Variants in AP1AR observed in about 807,000 individuals in gnomAD.
AP1AR encodes the protein AP-1 complex-associated regulatory protein.
In AP1AR, 29 loss-of-function variants were observed where a neutral mutation model predicts 46.3. That is an observed-to-expected ratio of 0.63 (90% CI 0.47 to 0.85). The LOEUF (loss-of-function observed/expected upper bound fraction) is 0.85, where lower values mean the gene tolerates loss of function less well. Among genes scored for constraint, AP1AR ranks in the 40% least tolerant of loss-of-function variants. The pLI is 0.00. For missense variants in AP1AR, 357 were observed against 356.3 expected (o/e 1.00, Z -0.02); for synonymous variants, 122 against 122.9 (o/e 0.99, Z 0.05).
At chr4:112,259,789 AGT>A (rs1164645938) in intron 4 of AP1AR, among the ~76,000 whole-genome samples, 3 of 152,126 alleles carry the variant, frequency 2.0e-5, no homozygotes, top group Non-Finnish European at 2.9e-5. Context: ...GTGAGTCAAG[AGT>A]GTAAATGTAG....
rs756487284 is a variant in AP1AR, at chr4:112,268,251, G to A, written c.751G>A (p.Ala251Thr). 1.7e-5 allele frequency: 28 copies of A among 1,613,030 alleles called. No individual in the cohort carries two copies. The Middle Eastern group carries it at 4.9e-4, about 28-fold the overall frequency. The change falls in exon 10 of 10, where the codon GCC becomes ACC. Residue 251 changes from alanine (A) to threonine (T), a missense_variant. This residue lies in a region of AP1AR where 88 missense variants were observed against 132.7 expected (regional missense o/e 0.66). Coordinates refer to ENST00000274000, the MANE Select transcript of AP1AR (RefSeq NM_018569.6). ...NKKTGSNPTS[A>T]SDDSNGLEWE... ...GAAGACTGGAAGTAATCCTACATCA[G>A]CCTCTGATGATTCCAATGGGCTGGA...
At chr4:112,266,832 A>G (rs1726731246) in intron 9 of AP1AR, 116 bp downstream of exon 9, 1 of 1,010,568 alleles carries the variant, frequency 9.9e-7, no homozygotes, top group Non-Finnish European at 1.4e-6. Flanking sequence ...GAAAAATCAT[A>G]TAAACACTTT....
chr4:112,258,997 C>G (rs1211549475), intron 4 of AP1AR, among the ~76,000 whole-genome samples: 1 of 151,902 alleles, frequency 6.6e-6, no homozygotes, highest in African/African-American at 2.4e-5. Flanking sequence ...GGTGAGAGAG[C>G]AAGGATCTGA....
chr4:112,259,299 A>G (rs1270889875), intron 4 of AP1AR, among the ~76,000 whole-genome samples: 1 of 152,160 alleles, frequency 6.6e-6, no homozygotes, highest in Admixed American at 6.5e-5. Flanking sequence ...CATGAAGGCA[A>G]GAGAAGAACA....
rs1727010371 is a variant in AP1AR, at chr4:112,272,833, G to A, written c.*4424G>A. On this transcript the variant is annotated 3_prime_UTR_variant, in exon 10 of 10. Coordinates refer to ENST00000274000, the MANE Select transcript of AP1AR (RefSeq NM_018569.6). ...TTGAAATGATATATTTTGGAATTAT[G>A]CCCGCTTTTTTTTCAATAGATAAAT... The A allele has an allele frequency of 6.6e-6, 1 of 152,034 alleles. No homozygotes were observed. Among genetic ancestry groups the A allele is most frequent in the Non-Finnish European group, 1.5e-5 (1 of 68,014 alleles). 9.4% of individuals were successfully genotyped at this position (152,034 alleles called of 1,614,324 possible). A position where few individuals can be genotyped will look rare whatever the true frequency, so the allele number is the denominator to read the frequency against.
At chr4:112,260,735 TTC>T in intron 4 of AP1AR, 29 bp from the exon 5 acceptor site, 1 of 1,464,932 alleles carries the variant, frequency 6.8e-7, no homozygotes, top group Non-Finnish European at 9.2e-7. Context: ...TTTTTGTTTT[TTC>T]TTTTTCTCCT....
chr4:112,258,648 A>C (rs1031546555), intron 4 of AP1AR, among the ~76,000 whole-genome samples: 3 of 152,228 alleles, frequency 2.0e-5, no homozygotes, highest in African/African-American at 7.2e-5. Context: ...GGAGGACATT[A>C]GAAATTTCAT....
chr4:112,260,525 A>G (rs1726395476), intron 4 of AP1AR, among the ~76,000 whole-genome samples: 1 of 152,246 alleles, frequency 6.6e-6, no homozygotes, highest in African/African-American at 2.4e-5. Context: ...CTTAAAAGGT[A>G]GCTGTAATGC....
At chr4:112,263,617 G>A (rs542425278) in intron 6 of AP1AR, among the ~76,000 whole-genome samples, 2 of 152,048 alleles carry the variant, frequency 1.3e-5, no homozygotes, top group South Asian at 2.1e-4. Flanking sequence ...TTGAGAAATC[G>A]TTGGAATATT....
In AP1AR at chr4:112,232,109, G is replaced by C. The variant is rs904186363; in HGVS notation, c.18G>C (p.Trp6Cys). ...GGCATGCGATGGGGAACTGCTGCTG[G>C]ACGCAGTGCTTCGGACTGCTTCGCA... MGNCCWTQCFGLLRKE... is the reference protein window; with the variant it reads MGNCCCTQCFGLLRKE... The change falls in exon 1 of 10, where the codon TGG becomes TGC. Residue 6 changes from tryptophan (W) to cysteine (C), a missense_variant. By Grantham distance (215) the Trp-to-Cys change is radical. Transcript: ENST00000274000. 6 of 1,336,428 alleles carry C rather than the reference G, an allele frequency of 4.5e-6. No individual in the cohort carries two copies. The highest frequency in any genetic ancestry group is 2.0e-4 in the Middle Eastern group (1 of 4,894). The allele number at this position is 1,336,428 out of a possible 1,614,324, so 82.8% of individuals were successfully genotyped here.
At chr4:112,249,423 G>T (rs1015422320) in intron 1 of AP1AR, among the ~76,000 whole-genome samples, 1 of 152,048 alleles carries the variant, frequency 6.6e-6, no homozygotes, top group Non-Finnish European at 1.5e-5. Context: ...ACTTTGGGAG[G>T]CCGAGGTGGG....
rs1726893077 is a variant in AP1AR, at chr4:112,270,180, G to GTTCC, written c.*1771_*1772insTTCC. ...AAATTAAGAAAGCAAGATGGAACTA[G>GTTCC]AAAATGTGTTTTAACTGTTAAAAAA... On this transcript the variant is annotated 3_prime_UTR_variant, in exon 10 of 10. Transcript: ENST00000274000. 1 of 152,498 alleles carries GTTCC rather than the reference G, an allele frequency of 6.6e-6. No individual in the cohort carries two copies. The highest frequency in any genetic ancestry group is 2.4e-5 in the African/African-American group (1 of 41,442). The allele number at this position is 152,498 out of a possible 1,614,324, so 9.4% of individuals were successfully genotyped here. A position where few individuals can be genotyped will look rare whatever the true frequency, so the allele number is the denominator to read the frequency against.
At chr4:112,257,609 C>G (rs563279589) in intron 3 of AP1AR, among the ~76,000 whole-genome samples, 163 bp from the exon 4 acceptor site, 2 of 151,944 alleles carry the variant, frequency 1.3e-5, no homozygotes, top group South Asian at 4.2e-4. Flanking sequence ...CTTTTTGTTT[C>G]AAATATTTTT....
At chr4:112,257,953 A>T (rs76129513) in intron 4 of AP1AR, among the ~76,000 whole-genome samples, 156 bp downstream of exon 4, 177 of 152,268 alleles carry the variant, frequency 1.2e-3, no homozygotes, top group African/African-American at 4.2e-3. Context: ...TGAGACAAAT[A>T]TCATATATCT....
intron 6 of AP1AR, among the ~76,000 whole-genome samples, chr4:112,263,743 C>T (rs946916553): frequency 2.6e-5 from 4 of 152,124 alleles, no homozygotes; most frequent in African/African-American, 7.2e-5. Context: ...CAATGTTTTA[C>T]CTTATTTAAT....
At position 112,272,447 on chromosome 4, in the gene AP1AR, G is replaced by A. The variant is rs1460395986; in HGVS notation, c.*4038G>A. ...GACAAATATATGACCTTCCCATGGG[G>A]CTTGGCCGGGAGTGCTAGCCCAGTA... On this transcript the variant is annotated 3_prime_UTR_variant, in exon 10 of 10. Coordinates refer to ENST00000274000, the MANE Select transcript of AP1AR (RefSeq NM_018569.6). 4.6e-5 allele frequency among the ~76,000 whole-genome samples: 7 copies of A among 152,162 alleles called. No homozygotes were observed. The highest frequency in any genetic ancestry group is 4.6e-4 in the Admixed American group (7 of 15,272).
intron 1 of AP1AR, among the ~76,000 whole-genome samples, chr4:112,239,683 A>G (rs1212340295): frequency 6.6e-6 from 1 of 152,230 alleles, no homozygotes; most frequent in African/African-American, 2.4e-5. Flanking sequence ...TTTGTTGCCT[A>G]GATTTCCAAT....
intron 1 of AP1AR, among the ~76,000 whole-genome samples, chr4:112,234,612 C>T (rs1308202820): frequency 6.6e-6 from 1 of 151,064 alleles, no homozygotes; most frequent in Non-Finnish European, 1.5e-5. Context: ...CATGTAGAGA[C>T]AGATGGATAT....
intron 1 of AP1AR, among the ~76,000 whole-genome samples, chr4:112,235,869 A>G (rs1472379872): frequency 6.6e-6 from 1 of 152,136 alleles, no homozygotes; most frequent in East Asian, 1.9e-4. Context: ...TCTGTGTGCT[A>G]AGCTGTCTTT....
Sources: allele counts gnomAD v4.1 joint callset (sites outside exome capture counted in the v4.1 genomes callset), GRCh38; gene constraint gnomAD v4.1.1; regional missense constraint gnomAD v4.1.1; transcripts MANE v1.5; gene names NCBI Gene and HGNC (gene_info 2026-07-23, HGNC 2026-07-21).